The following NRXN1 variants were observed in gnomAD, a reference collection of about 807,000 sequenced individuals.
The protein encoded by NRXN1 is neurexin-1.
Under a neutral mutation model 150.9 loss-of-function variants are expected in NRXN1, and 39 were observed. The observed-to-expected ratio is 0.26, with a 90% CI of 0.20 to 0.34. The LOEUF is 0.34. Ranked by LOEUF, NRXN1 falls within the 10% of genes least tolerant of loss-of-function variation. NRXN1 has a pLI of 1.00. For missense variants in NRXN1, 1,815 were observed against 1,949.9 expected, an observed-to-expected ratio of 0.93 and a Z score of 1.30; for synonymous variants, 924 against 757.0, an observed-to-expected ratio of 1.22 and a Z score of -3.62.
At chr2:50,291,441 C>A (rs936995931) in intron 17 of NRXN1, among the ~76,000 whole-genome samples, 2 of 152,026 alleles carry the variant, frequency 1.3e-5, no homozygotes, top group African/African-American at 4.8e-5. Flanking sequence ...GTTCAACAGG[C>A]GATACTTTGC....
rs867497214 is a variant in NRXN1 at position 50,829,600 on chromosome 2, G to A, written c.832+92269C>T. On this transcript the variant is annotated intron_variant, in intron 5 of 22. Coordinates refer to ENST00000401669, the MANE Select transcript of NRXN1 (RefSeq NM_001330078.2). ...ATGTAGCCATCGTCTGTGCTGGAGA[G>A]CCTTGAATATTTCACTTTACTACTG... 41 of 1,612,018 alleles carry A rather than the reference G, an allele frequency of 2.5e-5. No homozygotes were observed. In the Middle Eastern group the frequency reaches 2.2e-3, roughly 87 times the overall value.
chr2:50,904,645 C>A (rs1411161943), intron 5 of NRXN1, among the ~76,000 whole-genome samples: 1 of 151,622 alleles, frequency 6.6e-6, no homozygotes, highest in Admixed American at 6.6e-5. Flanking sequence ...AACAACCTGT[C>A]TGCATTAAAT....
At chr2:50,846,609 A>G (rs992977811) in intron 5 of NRXN1, among the ~76,000 whole-genome samples, 2 of 152,230 alleles carry the variant, frequency 1.3e-5, no homozygotes, top group Non-Finnish European at 2.9e-5. Context: ...GCATAGACCA[A>G]CAAAAACAGT....
At position 50,603,959 on chromosome 2, in the gene NRXN1, A is replaced by T. The variant is rs369127899; in HGVS notation, c.1320+16063T>A. Among the ~76,000 whole-genome samples the T allele has an allele frequency of 2.0e-5, 3 of 152,164 alleles. No homozygotes were observed. In the South Asian group the frequency reaches 6.2e-4, roughly 31 times the overall value. The stretch of plus-strand genomic sequence containing the variant: ...ACTCCTTTTCACTTTAATCTGAAGC[A>T]TATCTGGTTTGATTGCTTTGTTTGG... On this transcript the variant is annotated intron_variant, in intron 8 of 22. Coordinates refer to ENST00000401669, the MANE Select transcript of NRXN1 (RefSeq NM_001330078.2).
intron 21 of NRXN1, among the ~76,000 whole-genome samples, chr2:50,039,229 G>A (rs1013778663): frequency 1.3e-5 from 2 of 152,028 alleles, no homozygotes; most frequent in Non-Finnish European, 2.9e-5. Flanking sequence ...ACTTTGGGAG[G>A]CTGAGGAGGG....
intron 5 of NRXN1, among the ~76,000 whole-genome samples, chr2:50,894,242 T>TAATAAATA (rs202034347): frequency 0.028 from 4,050 of 142,324 alleles, 99 homozygotes; most frequent in African/African-American, 0.066. Context: ...AGTATAATAA[T>TAATAAATA]AATAAATAAA....
At chr2:50,278,316 A>T (rs2070922028) in intron 17 of NRXN1, among the ~76,000 whole-genome samples, 2 of 107,706 alleles carry the variant, frequency 1.9e-5, no homozygotes, top group Admixed American at 1.0e-4. Context: ...TTATATATAT[A>T]TTATATATAT....
chr2:50,494,554 C>T (rs1052690364), intron 15 of NRXN1, among the ~76,000 whole-genome samples: 3 of 152,032 alleles, frequency 2.0e-5, no homozygotes, highest in Non-Finnish European at 4.4e-5. Flanking sequence ...TTTGTGGGTA[C>T]AAATAAGATC....
At chr2:50,029,374 G>T (rs1592728) in intron 21 of NRXN1, among the ~76,000 whole-genome samples, 132,594 of 152,160 alleles carry the variant, frequency 0.87, 57,975 homozygotes, top group African/African-American at 0.93. Flanking sequence ...GACTGAATTA[G>T]GTCCCTGCCC....
At chr2:50,998,066 G>A (rs762462667) in intron 2 of NRXN1, among the ~76,000 whole-genome samples, 2 of 141,400 alleles carry the variant, frequency 1.4e-5, no homozygotes, top group Non-Finnish European at 3.0e-5. Context: ...GCAAGATGAC[G>A]ACAGACCAAT....
chr2:50,825,885 G>T (rs755272202), intron 5 of NRXN1, among the ~76,000 whole-genome samples: 2 of 152,180 alleles, frequency 1.3e-5, no homozygotes. Context: ...CACTTGGCAG[G>T]TGTCTGTTGG....
intron 8 of NRXN1, chr2:50,619,367 C>G (rs981804238): frequency 1.3e-5 from 2 of 152,112 alleles, no homozygotes; most frequent in African/African-American, 2.4e-5. Context: ...TCATCTTTCT[C>G]TCCCCAAAAC....
intron 5 of NRXN1, among the ~76,000 whole-genome samples, chr2:50,852,778 T>C (rs1674700529): frequency 6.6e-6 from 1 of 152,152 alleles, no homozygotes; most frequent in African/African-American, 2.4e-5. Context: ...TAAAAACCAG[T>C]AGCATATTTC....
intron 5 of NRXN1, among the ~76,000 whole-genome samples, chr2:50,718,675 A>C (rs921948610): frequency 2.0e-5 from 3 of 152,146 alleles, no homozygotes; most frequent in African/African-American, 7.2e-5. Context: ...TCCAGCTCAA[A>C]AGCTTTTAAG....
intron 17 of NRXN1, among the ~76,000 whole-genome samples, chr2:50,330,411 CCTTTTTCTT>C: frequency 6.6e-6 from 1 of 152,242 alleles, no homozygotes; most frequent in South Asian, 2.1e-4. Flanking sequence ...CATAGGCTCT[CCTTTTTCTT>C]CTTTCATTAG....
intron 17 of NRXN1, among the ~76,000 whole-genome samples, chr2:50,285,615 C>T (rs1048330700): frequency 6.6e-6 from 1 of 152,096 alleles, no homozygotes; most frequent in African/African-American, 2.4e-5. Context: ...AACTAAAAGA[C>T]TGAGAGAAAC....
chr2:50,107,539 A>ATATATATATATATATATATATTT (rs59921941), intron 18 of NRXN1, among the ~76,000 whole-genome samples: 1 of 129,884 alleles, frequency 7.7e-6, no homozygotes, highest in African/African-American at 2.9e-5. Flanking sequence ...ATATATATAT[A>ATATATATATATATATATATATTT]TTTTTTTTTT....
intron 5 of NRXN1, among the ~76,000 whole-genome samples, chr2:50,700,918 G>A (rs754693784): frequency 1.2e-4 from 18 of 151,654 alleles, no homozygotes; most frequent in Non-Finnish European, 2.4e-4. Context: ...TGCCCGCCTC[G>A]GCCTCCGAAA....
intron 18 of NRXN1, among the ~76,000 whole-genome samples, chr2:50,132,306 C>CTTTTTT (rs71401059): frequency 3.6e-5 from 5 of 139,356 alleles, no homozygotes; most frequent in Non-Finnish European, 7.7e-5. Flanking sequence ...TCCCAAAACT[C>CTTTTTT]TTTTTTTTTT....
Sources: gnomAD v4.1 joint callset for allele counts (sites outside exome capture counted in the v4.1 genomes callset) on GRCh38, gnomAD v4.1.1 for gene constraint, MANE v1.5 for transcripts, NCBI Gene and HGNC (gene_info 2026-07-23, HGNC 2026-07-21) for gene names.